COMMD1: variants seen among roughly 807,000 people sequenced by gnomAD.
The protein encoded by COMMD1 is COMM domain-containing protein 1.
A neutral mutation model predicts 17.2 loss-of-function variants in COMMD1; 10 were observed. The ratio of observed to expected loss-of-function variants is 0.58; its 90% CI spans 0.36 to 0.99. The LOEUF is 0.99. Ranked by LOEUF, COMMD1 falls within the 50% of genes least tolerant of loss-of-function variation. The probability of loss-of-function intolerance (pLI) is 0.01; values close to 1 mark genes in which losing one functional copy is unlikely to be tolerated. For synonymous variants in COMMD1, 97 were observed against 91.6 expected, an observed-to-expected ratio of 1.06 and a Z score of -0.34; for missense variants, 270 against 231.8, an observed-to-expected ratio of 1.17 and a Z score of -1.07.
intron 1 of COMMD1, among the ~76,000 whole-genome samples, chr2:61,997,876 C>G (rs1668808473): frequency 6.6e-6 from 1 of 152,176 alleles, no homozygotes; most frequent in African/African-American, 2.4e-5. Context: ...AAATAAAGTC[C>G]TAGATGGTAT....
chr2:62,113,830 G>C (rs1033054148), intron 2 of COMMD1, among the ~76,000 whole-genome samples: 6 of 152,176 alleles, frequency 3.9e-5, no homozygotes, highest in Admixed American at 2.0e-4. Flanking sequence ...CTCTATAAAT[G>C]GCAGAATTAT....
chr2:61,889,749 C>T (rs1274646349), intron 1 of COMMD1, among the ~76,000 whole-genome samples: 1 of 151,936 alleles, frequency 6.6e-6, no homozygotes, highest in Non-Finnish European at 1.5e-5. Context: ...CAAATCAGGT[C>T]TGTCTAGTTA....
intron 2 of COMMD1, among the ~76,000 whole-genome samples, chr2:62,105,663 A>C (rs1053117011): frequency 6.6e-6 from 1 of 152,180 alleles, no homozygotes; most frequent in Non-Finnish European, 1.5e-5. Flanking sequence ...GTGTCTACTA[A>C]AAATATGAAA....
intron 1 of COMMD1, among the ~76,000 whole-genome samples, chr2:61,921,701 C>G (rs559534001): frequency 1.4e-4 from 21 of 152,162 alleles, no homozygotes; most frequent in Non-Finnish European, 3.1e-4. Context: ...CCTTGGCCTC[C>G]CAAAGTGCTG....
intron 1 of COMMD1, among the ~76,000 whole-genome samples, chr2:61,924,379 G>A (rs1250258530): frequency 6.8e-6 from 1 of 148,062 alleles, no homozygotes; most frequent in African/African-American, 2.5e-5. Context: ...AGAGTCGGAG[G>A]GGGGATGGTT....
intron 2 of COMMD1, among the ~76,000 whole-genome samples, chr2:62,037,229 G>T (rs1281794845): frequency 6.6e-6 from 1 of 152,160 alleles, no homozygotes; most frequent in African/African-American, 2.4e-5. Flanking sequence ...CAATAGAATA[G>T]CTCATAAGAT....
chr2:62,008,904 C>G (rs763787510), intron 2 of COMMD1, among the ~76,000 whole-genome samples: 6 of 152,178 alleles, frequency 3.9e-5, no homozygotes, highest in Non-Finnish European at 7.4e-5. Flanking sequence ...CTGCCTCAGT[C>G]TCCCAAGTAG....
chr2:61,900,136 C>T (rs1669628689), intron 1 of COMMD1, among the ~76,000 whole-genome samples: 1 of 152,172 alleles, frequency 6.6e-6, no homozygotes, highest in Non-Finnish European at 1.5e-5. Context: ...CTGGGAAAGA[C>T]ACAAACCCAA....
At position 61,992,131 on chromosome 2, in the gene COMMD1, A is replaced by G. The variant is rs1046452210; in HGVS notation, c.181-8570A>G. ...TCAGATGCTTGTACCTATACATGGT[A>G]TTACTGTGAATGCACAGCAACAAAT... is the stretch of plus-strand genomic sequence containing the variant. On this transcript the variant is annotated intron_variant, in intron 1 of 2. Transcript: ENST00000311832. 3.3e-5 allele frequency among the ~76,000 whole-genome samples: 5 copies of G among 152,220 alleles called. No individual in the cohort carries two copies. In the East Asian group the frequency reaches 9.6e-4, roughly 29 times the overall value.
chr2:61,908,883 T>C (rs1669837686), intron 1 of COMMD1, among the ~76,000 whole-genome samples: 1 of 152,044 alleles, frequency 6.6e-6, no homozygotes, highest in Non-Finnish European at 1.5e-5. Context: ...CTCTAATTCT[T>C]ATGGAAACAT....
chr2:62,003,030 C>G lies in COMMD1; in HGVS notation c.462+2048C>G, dbSNP rs532264017. Among the ~76,000 whole-genome samples, 40 of 151,254 alleles carry G rather than the reference C, an allele frequency of 2.6e-4. No homozygotes were observed. The South Asian group carries it at 8.4e-3, about 32-fold the overall frequency. Reference sequence around the variant, plus strand: ...GGTGTATCATCTGAGGTCAGGAGATCAAGACCAGCCTGGCCAACATGGGGA... The same window carrying G: ...GGTGTATCATCTGAGGTCAGGAGATGAAGACCAGCCTGGCCAACATGGGGA... On this transcript the variant is annotated intron_variant, in intron 2 of 2. Coordinates refer to ENST00000311832, the MANE Select transcript of COMMD1 (RefSeq NM_152516.4).
rs267599421 is a variant in COMMD1 at position 62,000,835 on chromosome 2, C to T, written c.315C>T (p.Ile105=). Residue 105 remains isoleucine (I), a synonymous_variant, in exon 2 of 3, where the codon ATC becomes ATT. Coordinates refer to ENST00000311832, the MANE Select transcript of COMMD1 (RefSeq NM_152516.4). ...TCTGGAAGAGCCACAAGACAAAAAT[C>T]CGTGAGAGCCTCATGAACCAGAGCC... The part of the protein sequence containing the change: ...SKFWKSHKTK[I]RESLMNQSRW... 5 of 1,614,150 alleles carry T rather than the reference C, an allele frequency of 3.1e-6. No homozygotes were observed. The highest frequency in any genetic ancestry group is 3.4e-6 in the Non-Finnish European group (4 of 1,180,022).
intron 1 of COMMD1, among the ~76,000 whole-genome samples, chr2:61,956,010 A>G (rs1671189581): frequency 6.6e-6 from 1 of 152,226 alleles, no homozygotes; most frequent in Admixed American, 6.5e-5. Flanking sequence ...ATGAAAGAAT[A>G]TTACTGTTTT....
intron 1 of COMMD1, among the ~76,000 whole-genome samples, chr2:61,935,592 G>A (rs1345156787): frequency 6.6e-6 from 1 of 151,660 alleles, no homozygotes; most frequent in East Asian, 1.9e-4. Flanking sequence ...AGATCACACT[G>A]CTACACTTCA....
upstream of COMMD1, among the ~76,000 whole-genome samples, chr2:61,902,768 C>T (rs1412955896): frequency 1.3e-5 from 2 of 152,028 alleles, no homozygotes; most frequent in Non-Finnish European, 2.9e-5. Context: ...TAACTTGGGC[C>T]TGGGAGGTCG....
intron 2 of COMMD1, chr2:62,070,333 AT>A (rs1671165103): frequency 6.6e-6 from 1 of 152,160 alleles, no homozygotes; most frequent in Non-Finnish European, 1.5e-5. Context: ...AGGAAAGAGG[AT>A]CGCTTGAGGT....
In COMMD1 at chr2:61,893,193, G is replaced by C. The variant is rs1376089575; in HGVS notation, n.119+4351G>C. Among the ~76,000 whole-genome samples the C allele has an allele frequency of 2.0e-5, 3 of 151,780 alleles. No individual in the cohort carries two copies. The East Asian group carries it at 5.8e-4, about 29-fold the overall frequency. ...CATTCTATGTTTTTAAGTTTAGCTT[G>C]CAATAGTAACATGAAGCAGAGGCCT... On this transcript the variant is annotated intron_variant and non_coding_transcript_variant, in intron 1 of 2. Coordinates refer to the COMMD1 transcript ENST00000472729.
chr2:61,894,150 A>G (rs1486704350), intron 1 of COMMD1, among the ~76,000 whole-genome samples: 1 of 152,194 alleles, frequency 6.6e-6, no homozygotes, highest in Non-Finnish European at 1.5e-5. Context: ...CACAGGCTGG[A>G]GTGCAGTAGC....
chr2:61,896,590 C>A (rs1036616668), intron 1 of COMMD1, among the ~76,000 whole-genome samples: 1 of 151,946 alleles, frequency 6.6e-6, no homozygotes, highest in Non-Finnish European at 1.5e-5. Flanking sequence ...AAAACAAAAC[C>A]CCAAATCTGA....
Sources: gnomAD v4.1 joint callset for allele counts (sites outside exome capture counted in the v4.1 genomes callset) on GRCh38, gnomAD v4.1.1 for gene constraint, MANE v1.5 for transcripts, NCBI Gene and HGNC (gene_info 2026-07-23, HGNC 2026-07-21) for gene names.